The following GRM5 variants were observed in gnomAD, a reference collection of about 807,000 sequenced individuals.
GRM5 encodes the protein glutamate metabotropic receptor 5.
GRM5 carries 19 observed loss-of-function variants against 83.1 expected under a neutral mutation model. The ratio of observed to expected loss-of-function variants is 0.23; its 90% CI spans 0.16 to 0.34. The LOEUF (loss-of-function observed/expected upper bound fraction) is 0.34. GRM5 is among the 10% of genes least tolerant of loss of function. The pLI, the probability that GRM5 is intolerant of heterozygous loss-of-function variation, is 1.00. For missense variants in GRM5, 1,160 were observed against 1,588.3 expected (o/e 0.73, Z 4.58); for synonymous variants, 675 against 633.6 (o/e 1.07, Z -0.98).
chr11:88,950,803 C>T (rs896169078), intron 2 of GRM5, among the ~76,000 whole-genome samples: 1 of 152,158 alleles, frequency 6.6e-6, no homozygotes, highest in African/African-American at 2.4e-5. Context: ...TTATTGTTAT[C>T]ATTGAAAAGA....
intron 2 of GRM5, among the ~76,000 whole-genome samples, chr11:88,958,596 TAGATA>T (rs1938694434): frequency 6.6e-6 from 1 of 152,234 alleles, no homozygotes; most frequent in South Asian, 2.1e-4. Context: ...TGATACCTAT[TAGATA>T]AATCAGTATT....
intron 5 of GRM5, among the ~76,000 whole-genome samples, chr11:88,598,103 GC>G (rs1272786451): frequency 6.6e-6 from 1 of 152,066 alleles, no homozygotes; most frequent in Non-Finnish European, 1.5e-5. Context: ...TATTGGATAA[GC>G]AATATCACCA....
chr11:89,006,576 A>T (rs1391455236), intron 2 of GRM5, among the ~76,000 whole-genome samples: 2 of 152,134 alleles, frequency 1.3e-5, no homozygotes, highest in Non-Finnish European at 2.9e-5. Context: ...GGGCTAACAG[A>T]TCATTCATGA....
chr11:88,948,863 C>A (rs1354565838), intron 2 of GRM5, among the ~76,000 whole-genome samples: 1 of 151,932 alleles, frequency 6.6e-6, no homozygotes, highest in South Asian at 2.1e-4. Context: ...GGAAGAAGAG[C>A]AATTAAAGGC....
intron 2 of GRM5, among the ~76,000 whole-genome samples, chr11:89,040,928 T>C (rs1372885860): frequency 2.0e-5 from 3 of 152,228 alleles, no homozygotes; most frequent in East Asian, 1.9e-4. Flanking sequence ...CAGAATTTAC[T>C]GTGCATAATT....
chr11:88,687,531 TATATATACACACACAC>T (rs1940662825), intron 3 of GRM5, among the ~76,000 whole-genome samples: 1 of 29,330 alleles, frequency 3.4e-5, no homozygotes, highest in Admixed American at 5.5e-4. Context: ...CACACATACA[TATATATACACACACAC>T]ACACACATAT....
At chr11:88,963,351 A>G (rs908485553) in intron 2 of GRM5, among the ~76,000 whole-genome samples, 1 of 152,216 alleles carries the variant, frequency 6.6e-6, no homozygotes, top group African/African-American at 2.4e-5. Flanking sequence ...GTTGCCCAGA[A>G]TCAAATTTAC....
At chr11:88,945,098 C>T (rs1048007982) in intron 2 of GRM5, among the ~76,000 whole-genome samples, 1 of 149,502 alleles carries the variant, frequency 6.7e-6, no homozygotes, top group Non-Finnish European at 1.5e-5. Flanking sequence ...ATCAAGAATG[C>T]AATTTCATTT....
chr11:88,912,638 G>T (rs1565288975), intron 2 of GRM5, among the ~76,000 whole-genome samples: 2 of 152,162 alleles, frequency 1.3e-5, no homozygotes, highest in Non-Finnish European at 2.9e-5. Flanking sequence ...TCCATCTTCA[G>T]AGTTGAAAGC....
intron 2 of GRM5, among the ~76,000 whole-genome samples, chr11:88,982,301 C>T (rs964086635): frequency 6.6e-6 from 1 of 152,090 alleles, no homozygotes; most frequent in Non-Finnish European, 1.5e-5. Flanking sequence ...TATTTCATAG[C>T]CCTTACATTT....
At chr11:89,031,705 T>G (rs1041870495) in intron 2 of GRM5, among the ~76,000 whole-genome samples, 1 of 152,050 alleles carries the variant, frequency 6.6e-6, no homozygotes, top group Non-Finnish European at 1.5e-5. Context: ...TGTTGCAATA[T>G]TAGTGATTAA....
At chr11:88,572,163 G>A (rs1315117774) in intron 7 of GRM5, among the ~76,000 whole-genome samples, 2 of 152,174 alleles carry the variant, frequency 1.3e-5, no homozygotes, top group Non-Finnish European at 2.9e-5. Flanking sequence ...AAAGCTATCA[G>A]TGTGGAAGTT....
At position 88,633,401 on chromosome 11, in the gene GRM5, T is replaced by G. The variant is rs538591557; in HGVS notation, c.1147+19767A>C. Among the ~76,000 whole-genome samples the G allele has an allele frequency of 2.6e-5, 4 of 152,324 alleles. No individual in the cohort carries two copies. In the East Asian group the frequency reaches 7.7e-4, roughly 29 times the overall value. On this transcript the variant is annotated intron_variant, in intron 4 of 9. Transcript: ENST00000305447. Reference sequence around the variant, plus strand: ...ATTTTTTCTTCTACTGATCGTGTTTTGCTGTCGCGTATAAGAAACCTTTTC... The same window carrying G: ...ATTTTTTCTTCTACTGATCGTGTTTGGCTGTCGCGTATAAGAAACCTTTTC...
chr11:88,921,251 A>C (rs1236877662), intron 2 of GRM5, among the ~76,000 whole-genome samples: 1 of 152,220 alleles, frequency 6.6e-6, no homozygotes, highest in Non-Finnish European at 1.5e-5. Flanking sequence ...ATGAAGGATA[A>C]AACAATATGA....
rs186162074 is a variant in GRM5, at chr11:88,775,542, T to C, written c.911+74364A>G. 5.2e-3 allele frequency among the ~76,000 whole-genome samples: 793 copies of C among 152,320 alleles called. 3 individuals are homozygous for C. The highest frequency in any genetic ancestry group is 0.014 in the Middle Eastern group (4 of 294). ...TTTAATTGTGATGTTAGGGTGTCAATTTTAGATCTTTCCTGCTTTCTCTTG... is the reference window on the plus strand; with the variant it reads ...TTTAATTGTGATGTTAGGGTGTCAACTTTAGATCTTTCCTGCTTTCTCTTG... On this transcript the variant is annotated intron_variant, in intron 3 of 9. Coordinates refer to ENST00000305447, the MANE Select transcript of GRM5 (RefSeq NM_001143831.3).
intron 2 of GRM5, among the ~76,000 whole-genome samples, chr11:88,966,744 T>C (rs778952329): frequency 6.6e-6 from 1 of 152,166 alleles, no homozygotes. Context: ...GAATGAGACT[T>C]TGAAGTCTCC....
intron 2 of GRM5, among the ~76,000 whole-genome samples, chr11:88,927,433 T>G (rs1945808720): frequency 6.6e-6 from 1 of 152,154 alleles, no homozygotes; most frequent in African/African-American, 2.4e-5. Context: ...AACCCTCAAT[T>G]TCAAAGTTGC....
chr11:88,612,710 G>C (rs1359876782), intron 4 of GRM5: 1 of 151,976 alleles, frequency 6.6e-6, no homozygotes, highest in Non-Finnish European at 1.5e-5. Flanking sequence ...GCATTTCTCT[G>C]ATGGCCAGTG....
chr11:88,656,731 T>C (rs1015528410), intron 3 of GRM5, among the ~76,000 whole-genome samples: 2 of 152,118 alleles, frequency 1.3e-5, no homozygotes, highest in African/African-American at 4.8e-5. Flanking sequence ...TAACTGTGGG[T>C]TCCATATTCA....
Sources: allele counts gnomAD v4.1 joint callset (sites outside exome capture counted in the v4.1 genomes callset), GRCh38; gene constraint gnomAD v4.1.1; transcripts MANE v1.5; gene names NCBI Gene and HGNC (gene_info 2026-07-23, HGNC 2026-07-21).